The following COL5A2 variants were observed in gnomAD, a reference collection of about 807,000 sequenced individuals.
COL5A2 encodes collagen alpha-2(V) chain.
Under a neutral mutation model 208.2 loss-of-function variants are expected in COL5A2, and 23 were observed. That is an observed-to-expected ratio of 0.11 (90% CI 0.08 to 0.16). The LOEUF is 0.16. Ranked by LOEUF, COL5A2 falls within the 10% of genes least tolerant of loss-of-function variation. The probability of loss-of-function intolerance (pLI) is 1.00; values close to 1 mark genes in which losing one functional copy is unlikely to be tolerated. For synonymous variants in COL5A2, 625 were observed against 628.5 expected (o/e 0.99, Z 0.08); for missense variants, 1,590 against 1,956.4 (o/e 0.81, Z 3.53).
chr2:189,064,574 C>T lies in COL5A2; in HGVS notation c.1699G>A (p.Gly567Arg), dbSNP rs863223503. ...QGDPGRPGEP[G>R]LPGARGLTGN... Reference sequence around the variant, plus strand: ...ATTCTTACCCGAGCACCTGGAAGCCCAGGTTCCCCTGGACGTCCTGGATCC... The same window carrying T: ...ATTCTTACCCGAGCACCTGGAAGCCTAGGTTCCCCTGGACGTCCTGGATCC... The change falls in exon 25 of 54, where the codon GGG becomes AGG. Residue 567 changes from glycine (G) to arginine (R), a missense_variant. By Grantham distance (125) the Gly-to-Arg change is moderately radical (BLOSUM62 -2). Coordinates refer to ENST00000374866, the MANE Select transcript of COL5A2 (RefSeq NM_000393.5). The T allele has an allele frequency of 2.5e-6, 4 of 1,613,782 alleles. No individual in the cohort carries two copies. The highest frequency in any genetic ancestry group is 3.4e-6 in the Non-Finnish European group (4 of 1,179,912).
intron 1 of COL5A2, among the ~76,000 whole-genome samples, chr2:189,171,916 G>A (rs536285339): frequency 6.6e-6 from 1 of 152,326 alleles, no homozygotes; most frequent in East Asian, 1.9e-4. Flanking sequence ...AAGCTGAGAG[G>A]GAAAGGTCAG....
In COL5A2 at chr2:189,068,215, G is replaced by T; in HGVS notation, c.1302+11C>A. ...CATTTGAGCTTCACATGCCATAAAT[G>T]CAGTACTCACCGTTGGGCCTTTGGC... On this transcript the variant is annotated intron_variant, in intron 20 of 53. Coordinates refer to ENST00000374866, the MANE Select transcript of COL5A2 (RefSeq NM_000393.5). 1 of 1,613,206 alleles carries T rather than the reference G, an allele frequency of 6.2e-7. No homozygotes were observed. Among genetic ancestry groups the T allele is most frequent in the Non-Finnish European group, 8.5e-7 (1 of 1,179,216 alleles).
At chr2:189,104,300 G>T (rs755065809) in intron 2 of COL5A2, 23 bp from the exon 3 acceptor site, 1 of 1,445,508 alleles carries the variant, frequency 6.9e-7, no homozygotes, top group African/African-American at 1.4e-5. Flanking sequence ...AAGAGTAAAT[G>T]TGTTATTTTA....
At position 189,049,299 on chromosome 2, in the gene COL5A2, C is replaced by A. The variant is rs1420770661; in HGVS notation, c.3147+48G>T. 6 of 1,325,324 alleles carry A rather than the reference C, an allele frequency of 4.5e-6. No homozygotes were observed. In the East Asian group the frequency reaches 1.4e-4, roughly 32 times the overall value. 82.1% of individuals were successfully genotyped at this position (1,325,324 alleles called of 1,614,324 possible). ...ATTGCTAAATGAAAAAAATTGTTTCCATGACACCAGATAACAAGAGAAGAG... is the reference window on the plus strand; with the variant it reads ...ATTGCTAAATGAAAAAAATTGTTTCAATGACACCAGATAACAAGAGAAGAG... On this transcript the variant is annotated intron_variant, in intron 44 of 53. Transcript: ENST00000374866.
In COL5A2 at chr2:189,161,020, G is replaced by A. The variant is rs775364840; in HGVS notation, c.97+18488C>T. Among the ~76,000 whole-genome samples, 183 of 151,198 alleles carry A rather than the reference G, an allele frequency of 1.2e-3. 3 individuals carry two copies. The highest frequency in any genetic ancestry group is 0.01 in the Middle Eastern group (3 of 294). ...TAATTTTGTATTTTTAGTAGAGATG[G>A]GGTTGGTCAGGCTGGTCTCGAACTC... On this transcript the variant is annotated intron_variant, in intron 1 of 53. Transcript: ENST00000374866.
At chr2:189,041,824 A>G in intron 49 of COL5A2, 131 bp from the exon 50 acceptor site, 3 of 643,860 alleles carry the variant, frequency 4.7e-6, no homozygotes, top group Non-Finnish European at 8.3e-6. Flanking sequence ...TTACTGATTA[A>G]TAAATGAACT....
At chr2:189,383,461 TG>T in the COL5A2 span, among the ~76,000 whole-genome samples, 1 of 152,182 alleles carries the variant, frequency 6.6e-6, no homozygotes, top group Non-Finnish European at 1.5e-5. Flanking sequence ...TAAACTTGGG[TG>T]TCAAGGCTTC....
chr2:189,229,660 A>G (rs1004810904), upstream of COL5A2, among the ~76,000 whole-genome samples: 1 of 151,824 alleles, frequency 6.6e-6, no homozygotes, highest in Non-Finnish European at 1.5e-5. Flanking sequence ...AAACTATAAG[A>G]CATTAAAGAA....
chr2:189,039,424 G>A lies in COL5A2; in HGVS notation c.3773C>T (p.Pro1258Leu). ...LPEFTEDQAA[P>L]DDKNKTDPGV... is the part of the protein sequence containing the mutation. ...TGGGTCCGTTTTGTTTTTGTCATCA[G>A]GAGCCGCCTGATCTTCAGTAAACTC... Residue 1258 changes from proline to leucine, a missense_variant, in exon 51 of 54, where the codon CCT (proline) becomes CTT (leucine). Transcript: ENST00000374866. The A allele has an allele frequency of 6.2e-7, 1 of 1,614,026 alleles. No individual in the cohort carries two copies. The highest frequency in any genetic ancestry group is 8.5e-7 in the Non-Finnish European group (1 of 1,180,012).
chr2:189,062,603 T>C (rs1202708573), intron 29 of COL5A2, among the ~76,000 whole-genome samples: 9 of 152,152 alleles, frequency 5.9e-5, no homozygotes, highest in African/African-American at 2.2e-4. Flanking sequence ...GTTGATATAG[T>C]CCTTAACTGT....
intron 8 of COL5A2, among the ~76,000 whole-genome samples, chr2:189,087,399 T>C (rs1320397625): frequency 6.6e-6 from 1 of 152,062 alleles, no homozygotes; most frequent in Non-Finnish European, 1.5e-5. Flanking sequence ...TTTATTATTA[T>C]ATGTATATTA....
At chr2:189,097,250 C>T in intron 6 of COL5A2, 27 bp downstream of exon 6, 1 of 1,612,886 alleles carries the variant, frequency 6.2e-7, no homozygotes, top group Non-Finnish European at 8.5e-7. Context: ...TGTACGTTCC[C>T]CACAAGGAGC....
the COL5A2 span, among the ~76,000 whole-genome samples, chr2:189,320,450 C>A: frequency 6.6e-6 from 1 of 152,144 alleles, no homozygotes; most frequent in Admixed American, 6.5e-5. Flanking sequence ...ACTAGAATAA[C>A]CAATGCAGAG....
At chr2:189,374,265 A>G in the COL5A2 span, among the ~76,000 whole-genome samples, 1 of 151,970 alleles carries the variant, frequency 6.6e-6, no homozygotes, top group Admixed American at 6.6e-5. Context: ...TGTTTTTTGC[A>G]TATCTTTTTC....
At chr2:189,201,689 A>G (rs929275601) in intron 1 of COL5A2, among the ~76,000 whole-genome samples, 4 of 152,046 alleles carry the variant, frequency 2.6e-5, no homozygotes, top group Admixed American at 2.6e-4. Context: ...GTAGCACATC[A>G]AAGACAAAGC....
chr2:189,092,305 C>T lies in COL5A2; in HGVS notation c.567+5G>A. 1 of 1,578,896 alleles carries T rather than the reference C, an allele frequency of 6.3e-7. No homozygotes were observed. On this transcript the variant is annotated splice_donor_5th_base_variant and intron_variant, in intron 7 of 53. Transcript: ENST00000374866. ...ACGTGACATCAAACAATGCACACAA[C>T]TCACCCTGCTCAAGCCATCGGGTCC...
the COL5A2 span, among the ~76,000 whole-genome samples, chr2:189,251,234 A>C: frequency 2.0e-5 from 3 of 152,220 alleles, no homozygotes; most frequent in African/African-American, 7.2e-5. Flanking sequence ...AAAGATCAAA[A>C]CTGATGAAAA....
At chr2:189,436,049 C>T in the COL5A2 span, among the ~76,000 whole-genome samples, 1 of 152,054 alleles carries the variant, frequency 6.6e-6, no homozygotes, top group Admixed American at 6.6e-5. Context: ...AAGCTAGAAA[C>T]CATCATTCCC....
intron 1 of COL5A2, among the ~76,000 whole-genome samples, chr2:189,199,732 A>G (rs1223851928): frequency 2.0e-5 from 3 of 152,244 alleles, no homozygotes; most frequent in Non-Finnish European, 4.4e-5. Context: ...TCAAAGTTCT[A>G]ATTTTGTAAA....
Sources: gnomAD v4.1 joint callset for allele counts (sites outside exome capture counted in the v4.1 genomes callset) on GRCh38, gnomAD v4.1.1 for gene constraint, MANE v1.5 for transcripts, NCBI Gene and HGNC (gene_info 2026-07-23, HGNC 2026-07-21) for gene names.